COL11A1: variants seen among roughly 807,000 people sequenced by gnomAD.
COL11A1 encodes collagen alpha-1(XI) chain.
In COL11A1, 74 loss-of-function variants were observed where a neutral mutation model predicts 265.2. That is an observed-to-expected ratio of 0.28 (90% CI 0.23 to 0.34). COL11A1 has a LOEUF of 0.34. Ranked by LOEUF, COL11A1 falls within the 10% of genes least tolerant of loss-of-function variation. The pLI is 1.00. For missense variants in COL11A1, 2,165 were observed against 2,263.6 expected (o/e 0.96, Z 0.88); for synonymous variants, 816 against 727.6 (o/e 1.12, Z -1.96).
chr1:102,979,655 T>C, intron 31 of COL11A1: 1 of 626,770 alleles, frequency 1.6e-6, no homozygotes, highest in Admixed American at 2.3e-5. Flanking sequence ...ATTTTAGTTT[T>C]TAACCTTCTG....
At chr1:103,065,566 A>G (rs1459963518) in intron 4 of COL11A1, among the ~76,000 whole-genome samples, 1 of 45,956 alleles carries the variant, frequency 2.2e-5, no homozygotes, top group Non-Finnish European at 4.7e-5. Context: ...ACAAACAAAC[A>G]AACAAACAAA....
At chr1:102,901,279 G>A (rs1653165056) in intron 54 of COL11A1, among the ~76,000 whole-genome samples, 4 of 149,004 alleles carry the variant, frequency 2.7e-5, no homozygotes, top group Admixed American at 2.7e-4. Flanking sequence ...GAGATTGCAC[G>A]ATTGTGCTCC....
chr1:102,939,615 G>C (rs1424858678), intron 43 of COL11A1, among the ~76,000 whole-genome samples: 1 of 151,798 alleles, frequency 6.6e-6, no homozygotes, highest in African/African-American at 2.4e-5. Flanking sequence ...GAGGTGGGAG[G>C]ATCGCTCAAG....
At chr1:102,980,690 C>G (rs972292560) in intron 31 of COL11A1, among the ~76,000 whole-genome samples, 26 of 152,002 alleles carry the variant, frequency 1.7e-4, no homozygotes, top group African/African-American at 6.3e-4. Context: ...TGAAATACCC[C>G]TAAAAATAAT....
At chr1:102,991,743 A>G (rs1664160457) in intron 28 of COL11A1, among the ~76,000 whole-genome samples, 1 of 152,150 alleles carries the variant, frequency 6.6e-6, no homozygotes, top group Admixed American at 6.6e-5. Flanking sequence ...AGAAAATACC[A>G]AATACTGGGT....
rs1337801284 is a variant in COL11A1 at position 102,940,343 on chromosome 1, C to G, written c.3368G>C (p.Gly1123Ala). ...AATACCAACCTTGTCTCCGTCTTCC[C>G]CAGGGGAGCCGGCAGGACCAGCTGG... is the stretch of plus-strand genomic sequence containing the variant. ...PGPAGPAGSP[G>A]EDGDKGEIGE... The change falls in exon 43 of 67, where the codon GGG becomes GCG. Residue 1123 changes from glycine to alanine, a missense_variant. Coordinates refer to ENST00000370096, the MANE Select transcript of COL11A1 (RefSeq NM_001854.4). The G allele has an allele frequency of 1.2e-6, 2 of 1,613,716 alleles. No homozygotes were observed. Among genetic ancestry groups the G allele is most frequent in the East Asian group, 4.5e-5 (2 of 44,866 alleles).
At chr1:102,931,184 T>C (rs917900724) in intron 46 of COL11A1, among the ~76,000 whole-genome samples, 1 of 146,150 alleles carries the variant, frequency 6.8e-6, no homozygotes, top group African/African-American at 2.5e-5. Context: ...ATTGTGATGT[T>C]AGGGTGTCAA....
intron 15 of COL11A1, among the ~76,000 whole-genome samples, chr1:103,007,149 T>C (rs1405266428): frequency 6.6e-6 from 1 of 152,160 alleles, no homozygotes; most frequent in Non-Finnish European, 1.5e-5. Context: ...ACTCCTAAAA[T>C]TTAGCACAGT....
At chr1:102,914,246 T>A in intron 52 of COL11A1, 106 bp downstream of exon 52, 1 of 871,450 alleles carries the variant, frequency 1.1e-6, no homozygotes, top group Non-Finnish European at 1.8e-6. Flanking sequence ...TTCTTTCTGT[T>A]TTTGGGAGTT....
Position 103,014,588 on chromosome 1 carries a change from A to G in COL11A1, c.1495T>C (p.Tyr499His), listed in dbSNP as rs2101899714. The G allele has an allele frequency of 1.2e-6, 2 of 1,613,556 alleles. No individual in the cohort carries two copies. Among genetic ancestry groups the G allele is most frequent in the Non-Finnish European group, 1.7e-6 (2 of 1,179,592 alleles). ...PGTMLMLPFRYGGDGSKGPTI... is the reference protein window; with the variant it reads ...PGTMLMLPFRHGGDGSKGPTI... The stretch of plus-strand genomic sequence containing the variant: ...GGTCCTTTGGAACCATCACCACCAT[A>G]ACGGAACTTGGAAGAGATAACATTA... The change falls in exon 13 of 67, where the codon TAT becomes CAT. Residue 499 changes from tyrosine to histidine, a missense_variant. Physicochemically the swap from Tyr to His is moderately conservative, Grantham distance 83. Transcript: ENST00000370096.
At chr1:102,903,883 C>T (rs1276187350) in intron 54 of COL11A1, among the ~76,000 whole-genome samples, 1 of 152,098 alleles carries the variant, frequency 6.6e-6, no homozygotes, top group Non-Finnish European at 1.5e-5. Flanking sequence ...TTCTTTTCGA[C>T]ACAGGGTCTC....
At chr1:102,905,107 G>T (rs966116526) in intron 54 of COL11A1, among the ~76,000 whole-genome samples, 2 of 150,822 alleles carry the variant, frequency 1.3e-5, no homozygotes, top group African/African-American at 4.9e-5. Context: ...ATCATTCTCA[G>T]CAAACTATCG....
intron 2 of COL11A1, among the ~76,000 whole-genome samples, chr1:103,082,471 GA>G (rs1454434626): frequency 2.6e-5 from 4 of 151,974 alleles, no homozygotes; most frequent in African/African-American, 7.2e-5. Context: ...ATTACAAGTA[GA>G]AATAGGCTAG....
intron 13 of COL11A1, among the ~76,000 whole-genome samples, chr1:103,014,220 A>G (rs1283239318): frequency 2.0e-5 from 3 of 152,078 alleles, no homozygotes; most frequent in Non-Finnish European, 4.4e-5. Context: ...AGGTGTAAAT[A>G]TATCAATACT....
At chr1:102,933,039 G>A (rs879906102) in intron 46 of COL11A1, among the ~76,000 whole-genome samples, 202 of 140,110 alleles carry the variant, frequency 1.4e-3, no homozygotes, top group Non-Finnish European at 2.5e-3. Flanking sequence ...TGGTTTGAAT[G>A]TCCTCCCGTA....
intron 46 of COL11A1, among the ~76,000 whole-genome samples, chr1:102,932,786 C>T (rs994126280): frequency 1.7e-3 from 265 of 151,680 alleles, no homozygotes; most frequent in Non-Finnish European, 3.4e-3. Flanking sequence ...AGGCTTTGCT[C>T]ATTTCTTTTT....
chr1:103,091,553 T>G (rs972934653), intron 1 of COL11A1, among the ~76,000 whole-genome samples: 2 of 152,084 alleles, frequency 1.3e-5, no homozygotes, highest in Non-Finnish European at 2.9e-5. Context: ...TAAGATTATA[T>G]ATGAAGCCCT....
chr1:103,069,832 G>A (rs535700919), intron 4 of COL11A1, among the ~76,000 whole-genome samples: 4 of 151,788 alleles, frequency 2.6e-5, no homozygotes, highest in Middle Eastern at 3.4e-3. Flanking sequence ...AGGGAGAAGC[G>A]TAAATTAAAA....
chr1:102,933,714 T>G (rs1324896908), intron 46 of COL11A1, among the ~76,000 whole-genome samples: 1 of 152,088 alleles, frequency 6.6e-6, no homozygotes, highest in Non-Finnish European at 1.5e-5. Flanking sequence ...CAGTTTGATC[T>G]CAGACTGCTG....
Sources: allele counts gnomAD v4.1 joint callset (sites outside exome capture counted in the v4.1 genomes callset), GRCh38; gene constraint gnomAD v4.1.1; transcripts MANE v1.5; gene names NCBI Gene and HGNC (gene_info 2026-07-23, HGNC 2026-07-21).